Variants in PHF14 observed in about 807,000 individuals in gnomAD.
PHF14 encodes the protein PHD finger protein 14.
Under a neutral mutation model 117.9 loss-of-function variants are expected in PHF14, and 55 were observed. The ratio of observed to expected loss-of-function variants is 0.47; its 90% CI spans 0.38 to 0.58. The LOEUF (loss-of-function observed/expected upper bound fraction) is 0.58. PHF14 is among the 20% of genes least tolerant of loss of function. PHF14 has a pLI of 0.00. For missense variants in PHF14, 978 were observed against 1,122.2 expected, an observed-to-expected ratio of 0.87 and a Z score of 1.84; for synonymous variants, 409 against 368.6, an observed-to-expected ratio of 1.11 and a Z score of -1.26.
At chr7:11,087,135 G>C (rs1786442139) in intron 16 of PHF14, among the ~76,000 whole-genome samples, 1 of 151,836 alleles carries the variant, frequency 6.6e-6, no homozygotes, top group African/African-American at 2.4e-5. Context: ...TTAACAAATT[G>C]AGAACTCCTA....
At chr7:11,165,427 A>G (rs939755487) in intron 17 of PHF14, among the ~76,000 whole-genome samples, 2 of 152,168 alleles carry the variant, frequency 1.3e-5, no homozygotes, top group African/African-American at 4.8e-5. Context: ...GTTGTTTGCC[A>G]TGTTTCTCCA....
intron 16 of PHF14, among the ~76,000 whole-genome samples, chr7:11,083,109 TAG>T (rs1786216382): frequency 6.6e-6 from 1 of 152,142 alleles, no homozygotes; most frequent in South Asian, 2.1e-4. Context: ...GGGTCTAGCT[TAG>T]ATTGTGCAGT....
chr7:11,075,828 C>T (rs2128334745), intron 16 of PHF14, among the ~76,000 whole-genome samples: 1 of 151,990 alleles, frequency 6.6e-6, no homozygotes, highest in East Asian at 1.9e-4. Flanking sequence ...GCTTAAGTAA[C>T]TGCTTAAAAG....
At chr7:11,135,594 G>A (rs1360728468) in intron 17 of PHF14, among the ~76,000 whole-genome samples, 1 of 151,966 alleles carries the variant, frequency 6.6e-6, no homozygotes, top group Admixed American at 6.6e-5. Context: ...TTACAGTAAA[G>A]AAATGTTCTT....
intron 17 of PHF14, among the ~76,000 whole-genome samples, chr7:11,129,430 T>A (rs1443036713): frequency 1.3e-5 from 2 of 152,022 alleles, no homozygotes; most frequent in African/African-American, 4.8e-5. Flanking sequence ...TTCTTTGGAA[T>A]AGACACAGTT....
At chr7:10,993,663 A>G (rs950376684) in intron 4 of PHF14, among the ~76,000 whole-genome samples, 1 of 152,106 alleles carries the variant, frequency 6.6e-6, no homozygotes, top group African/African-American at 2.4e-5. Flanking sequence ...GGAGTATAGG[A>G]ATGCTGTGTG....
At chr7:11,019,205 T>A (rs1783639032) in intron 5 of PHF14, among the ~76,000 whole-genome samples, 1 of 152,250 alleles carries the variant, frequency 6.6e-6, no homozygotes, top group Non-Finnish European at 1.5e-5. Flanking sequence ...CTTTTTTTGA[T>A]GTGCCTTTGG....
chr7:11,003,293 A>G (rs1228200658), intron 4 of PHF14, among the ~76,000 whole-genome samples: 1 of 152,164 alleles, frequency 6.6e-6, no homozygotes, highest in Non-Finnish European at 1.5e-5. Context: ...CTGAGATCCC[A>G]TACCCTGACC....
chr7:11,077,668 A>G (rs189813735), intron 16 of PHF14, among the ~76,000 whole-genome samples: 1 of 150,326 alleles, frequency 6.7e-6, no homozygotes, highest in African/African-American at 2.5e-5. Flanking sequence ...TATGATTTGG[A>G]GAACAGATAT....
At chr7:11,135,949 A>T (rs1788208981) in intron 17 of PHF14, among the ~76,000 whole-genome samples, 1 of 152,226 alleles carries the variant, frequency 6.6e-6, no homozygotes, top group Admixed American at 6.5e-5. Flanking sequence ...ACTGATAAAG[A>T]ATTAATATTC....
chr7:11,110,253 T>C (rs1372855619), intron 16 of PHF14: 1 of 151,932 alleles, frequency 6.6e-6, no homozygotes, highest in East Asian at 1.9e-4. Flanking sequence ...ATATGTTCTA[T>C]AAATTTTCCC....
At chr7:10,986,252 G>A (rs1782224378) in intron 3 of PHF14, among the ~76,000 whole-genome samples, 1 of 149,632 alleles carries the variant, frequency 6.7e-6, no homozygotes, top group African/African-American at 2.5e-5. Flanking sequence ...CCAAAGTGTT[G>A]GGATTACAGG....
intron 12 of PHF14, 36 bp from the exon 13 acceptor site, chr7:11,042,647 A>G (rs372329463): frequency 4.2e-5 from 61 of 1,441,686 alleles, no homozygotes; most frequent in Non-Finnish European, 5.0e-5. Flanking sequence ...TATGATAATT[A>G]TTATTGAAAT....
chr7:10,991,759 ATTTTTT>A (rs71023881), intron 4 of PHF14, among the ~76,000 whole-genome samples: 1 of 111,044 alleles, frequency 9.0e-6, no homozygotes, highest in Non-Finnish European at 1.7e-5. Flanking sequence ...TAATTTTTTA[ATTTTTT>A]TTTTTTTTTT....
At position 11,068,374 on chromosome 7, in the gene PHF14, T is replaced by C. The variant is rs926903520; in HGVS notation, c.2654+6289T>C. Among the ~76,000 whole-genome samples the C allele has an allele frequency of 7.4e-5, 8 of 108,384 alleles. No homozygotes were observed. In the South Asian group the frequency reaches 2.5e-3, roughly 34 times the overall value. 71.1% of individuals were successfully genotyped at this position (108,384 alleles called of 152,430 possible). A position where few individuals can be genotyped will look rare whatever the true frequency, so the allele number is the denominator to read the frequency against. On this transcript the variant is annotated intron_variant, in intron 16 of 17. Coordinates refer to ENST00000634607, the MANE Select transcript of PHF14 (RefSeq NM_001007157.2). ...CAAAAAAAAAAAAAAAAAAAAAAAA[T>C]CTGATACTGCAACATAGATGAACCT...
intron 11 of PHF14, 144 bp downstream of exon 11, chr7:11,038,999 C>T (rs1474097657): frequency 2.4e-6 from 1 of 420,216 alleles, no homozygotes; most frequent in Non-Finnish European, 4.3e-6. Flanking sequence ...ATGATTTCTG[C>T]TTGAAATACA....
chr7:11,046,629 TCTG>T (rs1220763871), intron 13 of PHF14, among the ~76,000 whole-genome samples: 1 of 106,372 alleles, frequency 9.4e-6, no homozygotes, highest in East Asian at 4.8e-4. Context: ...CAGGTATATA[TCTG>T]CTATTAAAGT....
rs1354440627 is a variant in PHF14 at position 11,042,828 on chromosome 7, A to G, written c.2312+14A>G. The G allele has an allele frequency of 6.5e-7, 1 of 1,536,518 alleles. No individual in the cohort carries two copies. The highest frequency in any genetic ancestry group is 1.9e-5 in the Admixed American group (1 of 51,576). ...AAACAGTTATTGGTGAGTAAAATAG[A>G]GGAGATTTAGATGTTTGAATTGATT... On this transcript the variant is annotated intron_variant, in intron 13 of 17. Coordinates refer to ENST00000634607, the MANE Select transcript of PHF14 (RefSeq NM_001007157.2).
intron 16 of PHF14, among the ~76,000 whole-genome samples, chr7:11,089,122 A>G (rs1786541981): frequency 6.6e-6 from 1 of 151,986 alleles, no homozygotes; most frequent in Non-Finnish European, 1.5e-5. Flanking sequence ...AGCCCTGATC[A>G]GTTAACCGCA....
Sources: allele counts gnomAD v4.1 joint callset (sites outside exome capture counted in the v4.1 genomes callset), GRCh38; gene constraint gnomAD v4.1.1; transcripts MANE v1.5; gene names NCBI Gene and HGNC (gene_info 2026-07-23, HGNC 2026-07-21).